The following RPH3A variants were observed in gnomAD, a reference collection of about 807,000 sequenced individuals.
RPH3A encodes the protein rabphilin-3A.
A neutral mutation model predicts 102.2 loss-of-function variants in RPH3A; 48 were observed. The ratio of observed to expected loss-of-function variants is 0.47; its 90% CI spans 0.37 to 0.60. The LOEUF (loss-of-function observed/expected upper bound fraction) is 0.60, where lower values mean the gene tolerates loss of function less well. Ranked by LOEUF, RPH3A falls within the 20% of genes least tolerant of loss-of-function variation. RPH3A has a pLI of 0.00. For missense variants in RPH3A, 781 were observed against 910.1 expected (o/e 0.86, Z 1.83); for synonymous variants, 310 against 324.3 (o/e 0.96, Z 0.47).
At chr12:112,731,486 G>C (rs2040634095) in intron 1 of RPH3A, among the ~76,000 whole-genome samples, 1 of 152,188 alleles carries the variant, frequency 6.6e-6, no homozygotes, top group Non-Finnish European at 1.5e-5. Flanking sequence ...TAGAGGAAAT[G>C]CCTGTCTTCT....
intron 1 of RPH3A, among the ~76,000 whole-genome samples, chr12:112,767,917 T>C (rs1031321420): frequency 1.3e-5 from 2 of 152,088 alleles, no homozygotes; most frequent in Admixed American, 1.3e-4. Flanking sequence ...AAGAGGCAAA[T>C]CCATAGAGAC....
intron 2 of RPH3A, among the ~76,000 whole-genome samples, chr12:112,793,474 C>G (rs1005601358): frequency 6.6e-6 from 1 of 152,166 alleles, no homozygotes; most frequent in Non-Finnish European, 1.5e-5. Flanking sequence ...CTTTTTTTCT[C>G]TAGCCCCATA....
chr12:112,714,653 G>A (rs113736629), intron 1 of RPH3A, among the ~76,000 whole-genome samples: 1 of 152,188 alleles, frequency 6.6e-6, no homozygotes, highest in Non-Finnish European at 1.5e-5. Flanking sequence ...TTCCTGGGCA[G>A]TAAAGAGAGC....
intron 2 of RPH3A, among the ~76,000 whole-genome samples, chr12:112,811,327 T>C (rs1410414550): frequency 6.6e-6 from 1 of 152,170 alleles, no homozygotes; most frequent in Non-Finnish European, 1.5e-5. Context: ...ACACTGAACT[T>C]GTGGCCAATA....
At chr12:112,796,143 A>C (rs2041224337) in intron 2 of RPH3A, among the ~76,000 whole-genome samples, 1 of 152,198 alleles carries the variant, frequency 6.6e-6, no homozygotes, top group Admixed American at 6.5e-5. Flanking sequence ...GTGAGGCTCT[A>C]AGCAACTAGC....
chr12:112,596,040 A>G (rs1051591434), intron 1 of RPH3A, among the ~76,000 whole-genome samples: 4 of 152,204 alleles, frequency 2.6e-5, no homozygotes. Context: ...TAAAACAGTT[A>G]TGTAGGTTGG....
chr12:112,593,229 C>T (rs2039491780), intron 1 of RPH3A, among the ~76,000 whole-genome samples: 1 of 152,158 alleles, frequency 6.6e-6, no homozygotes, highest in African/African-American at 2.4e-5. Context: ...TCACCGGAAC[C>T]CAATCTGCTG....
Position 112,868,501 on chromosome 12 carries a change from A to G in RPH3A, c.516A>G (p.Ile172Met), listed in dbSNP as rs1405466259. Residue 172 changes from isoleucine (I) to methionine (M), a missense_variant, in exon 8 of 22, where the codon ATA (isoleucine) becomes ATG (methionine). Around this residue, in one of 2 missense-constraint regions of RPH3A, gnomAD observed 730 missense variants for 810.0 expected, o/e 0.90. Coordinates refer to ENST00000389385, the MANE Select transcript of RPH3A (RefSeq NM_001143854.2). ...PKQVLPQPMPIKKTKPQQPVS... is the reference protein window; with the variant it reads ...PKQVLPQPMPMKKTKPQQPVS... ...AGGTCCTCCCACAGCCTATGCCTATAAAGAAGACCAAGCCCCAGCAGCCTG... is the reference window on the plus strand; with the variant it reads ...AGGTCCTCCCACAGCCTATGCCTATGAAGAAGACCAAGCCCCAGCAGCCTG... 1.1e-5 allele frequency: 18 copies of G among 1,614,076 alleles called. No individual in the cohort carries two copies. Among genetic ancestry groups the G allele is most frequent in the Non-Finnish European group, 1.4e-5 (17 of 1,180,014 alleles).
Position 112,876,848 on chromosome 12 carries a change from T to G in RPH3A, c.1153T>G (p.Tyr385Asp). ...GGAGGAGGAAGAGGAAGCCAACAGC[T>G]ACGATTCGGATGAAGCAAGTAGGTG... ...PEEEEEEANS[Y>D]DSDEATTLGA... Residue 385 changes from tyrosine (Y) to aspartate (D), a missense_variant, in exon 13 of 22, where the codon TAC (tyrosine) becomes GAC (aspartate). This residue lies in a region of RPH3A where 730 missense variants were observed against 810.0 expected (regional missense o/e 0.90). Coordinates refer to ENST00000389385, the MANE Select transcript of RPH3A (RefSeq NM_001143854.2). The G allele has an allele frequency of 6.2e-7, 1 of 1,603,312 alleles. No individual in the cohort carries two copies. The highest frequency in any genetic ancestry group is 8.5e-7 in the Non-Finnish European group (1 of 1,173,998).
intron 2 of RPH3A, among the ~76,000 whole-genome samples, chr12:112,794,049 A>G (rs1178672225): frequency 6.6e-6 from 1 of 152,226 alleles, no homozygotes; most frequent in Non-Finnish European, 1.5e-5. Context: ...ATATCTCTCC[A>G]CTGGGTCACT....
At chr12:112,657,448 T>C (rs1007258189) in intron 1 of RPH3A, among the ~76,000 whole-genome samples, 4 of 152,192 alleles carry the variant, frequency 2.6e-5, no homozygotes, top group Admixed American at 1.3e-4. Flanking sequence ...TTATTATTAT[T>C]ATCAAGTATT....
intron 1 of RPH3A, among the ~76,000 whole-genome samples, chr12:112,607,520 A>G (rs1179143910): frequency 6.6e-6 from 1 of 152,212 alleles, no homozygotes; most frequent in Non-Finnish European, 1.5e-5. Flanking sequence ...GAACTGGCTA[A>G]TGCAGTTTTA....
chr12:112,605,265 C>T (rs1478574049), intron 1 of RPH3A, among the ~76,000 whole-genome samples: 30 of 152,236 alleles, frequency 2.0e-4, no homozygotes, highest in Admixed American at 1.9e-3. Flanking sequence ...ACCCCAGCTA[C>T]GTGGGAGGCT....
chr12:112,773,226 T>C (rs949482400), intron 1 of RPH3A, among the ~76,000 whole-genome samples: 3 of 152,080 alleles, frequency 2.0e-5, no homozygotes, highest in Non-Finnish European at 4.4e-5. Context: ...CTATTGTGAA[T>C]TGGGCTTACA....
chr12:112,747,948 A>G (rs1272715182), intron 1 of RPH3A, among the ~76,000 whole-genome samples: 1 of 152,226 alleles, frequency 6.6e-6, no homozygotes, highest in Non-Finnish European at 1.5e-5. Flanking sequence ...GTTAAAGAGC[A>G]TAGAGAAGCA....
At chr12:112,789,410 T>G (rs1447589528), upstream of RPH3A, among the ~76,000 whole-genome samples, 1 of 152,160 alleles carries the variant, frequency 6.6e-6, no homozygotes, top group Non-Finnish European at 1.5e-5. Flanking sequence ...CCCTCAAACT[T>G]GTAGAATGCA....
At chr12:112,580,701 T>C (rs1341989320) in intron 1 of RPH3A, among the ~76,000 whole-genome samples, 2 of 152,120 alleles carry the variant, frequency 1.3e-5, no homozygotes, top group Non-Finnish European at 2.9e-5. Flanking sequence ...CCACCGCGCC[T>C]GGCCTGTCTT....
chr12:112,603,687 G>A (rs764743810), intron 1 of RPH3A, among the ~76,000 whole-genome samples: 5 of 152,066 alleles, frequency 3.3e-5, no homozygotes, highest in African/African-American at 9.7e-5. Flanking sequence ...GACATTCCTC[G>A]GCTTGGGACT....
intron 1 of RPH3A, among the ~76,000 whole-genome samples, chr12:112,612,488 G>T (rs1454429200): frequency 6.6e-6 from 1 of 151,644 alleles, no homozygotes; most frequent in Non-Finnish European, 1.5e-5. Context: ...TGTCCCTGGG[G>T]TTCCCTGAGG....
Sources: gnomAD v4.1 joint callset for allele counts (sites outside exome capture counted in the v4.1 genomes callset) on GRCh38, gnomAD v4.1.1 for gene constraint, gnomAD v4.1.1 regional missense constraint, MANE v1.5 for transcripts, NCBI Gene and HGNC (gene_info 2026-07-23, HGNC 2026-07-21) for gene names.